The following TRPM3 variants were observed in gnomAD, a reference collection of about 807,000 sequenced individuals.
The protein encoded by TRPM3 is long transient receptor potential channel 3.
Under a neutral mutation model 181.2 loss-of-function variants are expected in TRPM3, and 77 were observed. That is an observed-to-expected ratio of 0.42 (90% CI 0.35 to 0.51). The LOEUF (loss-of-function observed/expected upper bound fraction) is 0.51. TRPM3 is among the 20% of genes least tolerant of loss of function. The pLI, the probability that TRPM3 is intolerant of heterozygous loss-of-function variation, is 0.01. For synonymous variants in TRPM3, 745 were observed against 796.4 expected (o/e 0.94, Z 1.09); for missense variants, 1,759 against 2,196.7 (o/e 0.80, Z 3.98).
intron 6 of TRPM3, among the ~76,000 whole-genome samples, chr9:70,808,752 C>G (rs899219459): frequency 4.6e-5 from 7 of 152,148 alleles, no homozygotes; most frequent in Non-Finnish European, 8.8e-5. Flanking sequence ...AAAATGATGT[C>G]ATTACAGTCT....
intron 1 of TRPM3, among the ~76,000 whole-genome samples, chr9:70,937,446 T>C (rs2096839444): frequency 6.6e-6 from 1 of 152,206 alleles, no homozygotes. Flanking sequence ...CTAATAATGT[T>C]TTAGAATATT....
At chr9:71,059,842 T>TAC (rs1394425592) in intron 1 of TRPM3, among the ~76,000 whole-genome samples, 1 of 152,000 alleles carries the variant, frequency 6.6e-6, no homozygotes, top group South Asian at 2.1e-4. Flanking sequence ...AATAAACCTT[T>TAC]ACACACACAC....
chr9:71,048,889 T>C (rs527697905), intron 1 of TRPM3, among the ~76,000 whole-genome samples: 2 of 152,318 alleles, frequency 1.3e-5, no homozygotes, highest in South Asian at 4.1e-4. Flanking sequence ...AGAAATCACT[T>C]AATGGAAAAG....
Position 70,880,152 on chromosome 9 carries a change from G to A in TRPM3, c.178-15641C>T, listed in dbSNP as rs191050958. ...TTCCAATTAATATTTCATGATCTAT[G>A]GAAAAAAATCTTAGGAAAGCTCTGG... On this transcript the variant is annotated intron_variant, in intron 1 of 25. Transcript: ENST00000677713. 4.4e-3 allele frequency among the ~76,000 whole-genome samples: 673 copies of A among 152,088 alleles called. 5 individuals carry two copies. The highest frequency in any genetic ancestry group is 0.018 in the Admixed American group (280 of 15,256).
intron 1 of TRPM3, among the ~76,000 whole-genome samples, chr9:71,396,600 A>G (rs954597540): frequency 1.3e-5 from 2 of 152,068 alleles, no homozygotes; most frequent in African/African-American, 4.8e-5. Context: ...CTCAGGAGAA[A>G]GACGATTCTG....
intron 1 of TRPM3, among the ~76,000 whole-genome samples, chr9:71,107,317 G>A (rs1306679175): frequency 6.6e-6 from 1 of 152,058 alleles, no homozygotes; most frequent in Non-Finnish European, 1.5e-5. Context: ...ACTTAATCCT[G>A]AATAGTTTTT....
At chr9:70,791,080 G>A (rs188414422) in intron 6 of TRPM3, among the ~76,000 whole-genome samples, 1 of 152,282 alleles carries the variant, frequency 6.6e-6, no homozygotes, top group East Asian at 1.9e-4. Flanking sequence ...ACGTTATAGA[G>A]TTAGGATAAA....
intron 1 of TRPM3, among the ~76,000 whole-genome samples, chr9:71,025,709 T>C (rs1192107294): frequency 6.6e-6 from 1 of 152,164 alleles, no homozygotes; most frequent in Non-Finnish European, 1.5e-5. Context: ...TTGGGTTTTT[T>C]TCCTGCTTCT....
intron 1 of TRPM3, among the ~76,000 whole-genome samples, chr9:71,167,285 C>T (rs1324196710): frequency 2.0e-5 from 3 of 152,066 alleles, no homozygotes; most frequent in Non-Finnish European, 4.4e-5. Flanking sequence ...TCTTATTTGC[C>T]TTATGTGATT....
intron 18 of TRPM3, among the ~76,000 whole-genome samples, chr9:70,611,200 T>A (rs1247222922): frequency 1.3e-5 from 2 of 152,092 alleles, no homozygotes; most frequent in Non-Finnish European, 2.9e-5. Context: ...GCATACCTAA[T>A]TTATCCAAAG....
intron 11 of TRPM3, among the ~76,000 whole-genome samples, chr9:70,638,602 G>C (rs1198808163): frequency 6.6e-6 from 1 of 152,056 alleles, no homozygotes; most frequent in Non-Finnish European, 1.5e-5. Context: ...TCAAAAAAGA[G>C]ATATTTTACC....
intron 1 of TRPM3, among the ~76,000 whole-genome samples, chr9:71,433,013 G>A (rs2093981040): frequency 6.6e-6 from 1 of 152,186 alleles, no homozygotes; most frequent in South Asian, 2.1e-4. Flanking sequence ...TCCTTAGTTA[G>A]GAAAGATAAA....
At chr9:70,865,313 T>C (rs1051837246) in intron 1 of TRPM3, 1 of 152,074 alleles carries the variant, frequency 6.6e-6, no homozygotes, top group African/African-American at 2.4e-5. Context: ...CAGTTGTCCA[T>C]CCTGCATCCC....
At chr9:71,274,348 A>G (rs2084028047) in intron 1 of TRPM3, among the ~76,000 whole-genome samples, 1 of 152,186 alleles carries the variant, frequency 6.6e-6, no homozygotes, top group Admixed American at 6.5e-5. Flanking sequence ...AAGACTTAAG[A>G]GGCTCTGATT....
At chr9:70,631,373 T>C (rs2065834949) in intron 12 of TRPM3, among the ~76,000 whole-genome samples, 1 of 152,034 alleles carries the variant, frequency 6.6e-6, no homozygotes, top group Non-Finnish European at 1.5e-5. Context: ...TTTTTTTTTT[T>C]TTTTTTTATT....
Position 70,941,892 on chromosome 9 carries a change from C to T in TRPM3, c.178-77381G>A, listed in dbSNP as rs117075773. Among the ~76,000 whole-genome samples, 103 of 152,182 alleles carry T rather than the reference C, an allele frequency of 6.8e-4. 2 individuals are homozygous for T. In the East Asian group the frequency reaches 0.018, roughly 26 times the overall value. Reference sequence around the variant, plus strand: ...GATTCTTCAATTCAGCAAGTAGTTCCCATCCCCAAATCTATTTCTTGAAAA... The same window carrying T: ...GATTCTTCAATTCAGCAAGTAGTTCTCATCCCCAAATCTATTTCTTGAAAA... On this transcript the variant is annotated intron_variant, in intron 1 of 25. Coordinates refer to ENST00000677713, the MANE Select transcript of TRPM3 (RefSeq NM_001366145.2).
At chr9:70,815,004 G>A (rs894458578) in intron 6 of TRPM3, among the ~76,000 whole-genome samples, 2 of 151,404 alleles carry the variant, frequency 1.3e-5, no homozygotes, top group Non-Finnish European at 1.5e-5. Flanking sequence ...AGTGAAAAGT[G>A]TCACTCCCTG....
intron 1 of TRPM3, among the ~76,000 whole-genome samples, chr9:71,384,075 ATAAGAG>A (rs1355123408): frequency 6.6e-6 from 1 of 152,258 alleles, no homozygotes; most frequent in Admixed American, 6.5e-5. Context: ...TTTTGATACC[ATAAGAG>A]TAAAACGTTA....
At chr9:70,791,723 C>T (rs1038865733) in intron 6 of TRPM3, among the ~76,000 whole-genome samples, 1 of 152,126 alleles carries the variant, frequency 6.6e-6, no homozygotes, top group African/African-American at 2.4e-5. Flanking sequence ...GCCTCCCTCA[C>T]ACAGTGATAA....
Sources: gnomAD v4.1 joint callset for allele counts (sites outside exome capture counted in the v4.1 genomes callset) on GRCh38, gnomAD v4.1.1 for gene constraint, MANE v1.5 for transcripts, NCBI Gene and HGNC (gene_info 2026-07-23, HGNC 2026-07-21) for gene names.